NSUN6: variants seen among roughly 807,000 people sequenced by gnomAD.
NSUN6 encodes the protein NOP2/Sun RNA methyltransferase 6.
NSUN6 carries 64 observed loss-of-function variants against 58.0 expected under a neutral mutation model. The observed-to-expected ratio is 1.10, with a 90% CI of 0.90 to 1.36. The LOEUF is 1.36. Ranked by LOEUF, NSUN6 falls within the 40% of genes most tolerant of loss-of-function variation. NSUN6 has a pLI of 0.00. For missense variants in NSUN6, 701 were observed against 550.1 expected (o/e 1.27, Z -2.74); for synonymous variants, 231 against 193.9 (o/e 1.19, Z -1.59).
chr10:18,620,980 A>G (rs537370179), intron 3 of NSUN6, among the ~76,000 whole-genome samples: 2 of 152,380 alleles, frequency 1.3e-5, no homozygotes, highest in South Asian at 4.1e-4. Context: ...TTAACATAGT[A>G]GGCCTGATCT....
At chr10:18,622,187 T>C (rs2058632420) in intron 3 of NSUN6, among the ~76,000 whole-genome samples, 1 of 152,080 alleles carries the variant, frequency 6.6e-6, no homozygotes, top group African/African-American at 2.4e-5. Flanking sequence ...CAGGGGTAAT[T>C]AGTTATGAGG....
chr10:18,620,415 T>C (rs950501593), intron 3 of NSUN6, among the ~76,000 whole-genome samples: 2 of 152,172 alleles, frequency 1.3e-5, no homozygotes, highest in East Asian at 1.9e-4. Flanking sequence ...CTTAAGTCTA[T>C]GAAAAAAAAA....
chr10:18,585,937 A>G lies in NSUN6; in HGVS notation c.922+12T>C. 1.3e-6 allele frequency: 2 copies of G among 1,579,220 alleles called. No individual in the cohort carries two copies. The highest frequency in any genetic ancestry group is 1.7e-6 in the Non-Finnish European group (2 of 1,167,492). The stretch of plus-strand genomic sequence containing the variant: ...TCTGTCAATTAAAAATAAGAAAATC[A>G]AAATAGCTCACCTTCTGTGTCCTCC... On this transcript the variant is annotated intron_variant, in intron 8 of 10. Transcript: ENST00000377304.
At chr10:18,642,597 G>T in intron 2 of NSUN6, 42 bp from the exon 3 acceptor site, 2 of 939,382 alleles carry the variant, frequency 2.1e-6, no homozygotes, top group South Asian at 2.8e-5. Context: ...CCATACATTT[G>T]ATACATTTCA....
chr10:18,588,488 G>A (rs1280131203), intron 7 of NSUN6, among the ~76,000 whole-genome samples: 5 of 152,194 alleles, frequency 3.3e-5, no homozygotes, highest in Non-Finnish European at 5.9e-5. Flanking sequence ...GACTAGGAGA[G>A]ACCACCCAAC....
At position 18,593,849 on chromosome 10, in the gene NSUN6, G is replaced by A. The variant is rs2057472479; in HGVS notation, c.777+2359C>T. Among the ~76,000 whole-genome samples, 3 of 151,210 alleles carry A rather than the reference G, an allele frequency of 2.0e-5. 1 individual carries two copies. Among genetic ancestry groups the A allele is most frequent in the South Asian group, 4.2e-4 (2 of 4,794 alleles). The stretch of plus-strand genomic sequence containing the variant: ...TGTAACAAACCTGCACATTCTGCAG[G>A]TGTATTGCAGAACTTAAAGCACAAT... On this transcript the variant is annotated intron_variant, in intron 7 of 10. Transcript: ENST00000377304.
At chr10:18,607,380 T>G (rs1488702620) in intron 6 of NSUN6, among the ~76,000 whole-genome samples, 1 of 152,216 alleles carries the variant, frequency 6.6e-6, no homozygotes, top group Non-Finnish European at 1.5e-5. Flanking sequence ...TGCACATTCT[T>G]TCAAAATTTT....
intron 7 of NSUN6, among the ~76,000 whole-genome samples, chr10:18,594,509 C>T (rs1404204492): frequency 2.0e-5 from 3 of 151,720 alleles, no homozygotes; most frequent in Admixed American, 6.6e-5. Context: ...AGTGCAGTGG[C>T]GCGATCTTGG....
At chr10:18,569,746 A>C (rs2056226302) in intron 8 of NSUN6, among the ~76,000 whole-genome samples, 2 of 149,416 alleles carry the variant, frequency 1.3e-5, no homozygotes. Context: ...ATTCCATTAC[A>C]TCCCATTCTC....
At chr10:18,606,465 G>A (rs942438316) in intron 6 of NSUN6, among the ~76,000 whole-genome samples, 9 of 152,146 alleles carry the variant, frequency 5.9e-5, no homozygotes, top group African/African-American at 2.2e-4. Flanking sequence ...AACACAAATA[G>A]GACATTATGA....
At chr10:18,599,274 T>C (rs1001750446) in intron 6 of NSUN6, among the ~76,000 whole-genome samples, 1 of 152,108 alleles carries the variant, frequency 6.6e-6, no homozygotes, top group African/African-American at 2.4e-5. Context: ...AGATCAAGCA[T>C]TGAGATGGGG....
At chr10:18,619,692 T>C (rs905024480) in intron 3 of NSUN6, among the ~76,000 whole-genome samples, 2 of 151,824 alleles carry the variant, frequency 1.3e-5, no homozygotes, top group African/African-American at 4.8e-5. Context: ...TCACCATACA[T>C]ATTATTGAAG....
At chr10:18,562,314 ATGCAGAATGGAATGGAT>A (rs907833207) in intron 8 of NSUN6, among the ~76,000 whole-genome samples, 3 of 151,148 alleles carry the variant, frequency 2.0e-5, no homozygotes, top group African/African-American at 4.9e-5. Context: ...ATGGAATGGA[ATGCAGAATGGAATGGAT>A]TGCAGAATGG....
At chr10:18,572,147 C>G (rs995232309) in intron 8 of NSUN6, among the ~76,000 whole-genome samples, 2 of 151,632 alleles carry the variant, frequency 1.3e-5, no homozygotes, top group Non-Finnish European at 2.9e-5. Flanking sequence ...TTCCATTCTC[C>G]ATTCCACTCC....
intron 3 of NSUN6, among the ~76,000 whole-genome samples, chr10:18,635,694 C>A (rs2059189267): frequency 6.6e-6 from 1 of 151,482 alleles, no homozygotes; most frequent in Non-Finnish European, 1.5e-5. Flanking sequence ...AAAAATTAGC[C>A]AGGTATGGTG....
At chr10:18,588,410 C>T (rs370051533) in intron 7 of NSUN6, among the ~76,000 whole-genome samples, 1 of 152,336 alleles carries the variant, frequency 6.6e-6, no homozygotes, top group Non-Finnish European at 1.5e-5. Flanking sequence ...GGGATTCTCC[C>T]AGCACAGTGT....
intron 2 of NSUN6, among the ~76,000 whole-genome samples, chr10:18,644,424 T>C (rs1203824306): frequency 2.0e-5 from 3 of 152,172 alleles, no homozygotes; most frequent in Non-Finnish European, 4.4e-5. Context: ...GAACAGCTAA[T>C]TCAGGTACTC....
intron 2 of NSUN6, among the ~76,000 whole-genome samples, chr10:18,647,983 C>T (rs1449612163): frequency 6.6e-6 from 1 of 152,182 alleles, no homozygotes; most frequent in Non-Finnish European, 1.5e-5. Flanking sequence ...ATGTGATCCA[C>T]CTGCTTCAGC....
chr10:18,547,963 A>G, intron 10 of NSUN6, 149 bp downstream of exon 10: 2 of 767,458 alleles, frequency 2.6e-6, no homozygotes, highest in East Asian at 2.7e-5. Context: ...TGGGCAGTCT[A>G]AAGTGGATTT....
Sources: gnomAD v4.1 joint callset for allele counts (sites outside exome capture counted in the v4.1 genomes callset) on GRCh38, gnomAD v4.1.1 for gene constraint, MANE v1.5 for transcripts, NCBI Gene and HGNC (gene_info 2026-07-23, HGNC 2026-07-21) for gene names.